Variants in LRRC3B observed in about 807,000 individuals in gnomAD.
LRRC3B encodes the protein leucine rich repeat containing 3B.
LRRC3B carries 2 observed loss-of-function variants against 12.8 expected under a neutral mutation model. The observed-to-expected ratio is 0.16, with a 90% CI of 0.06 to 0.49. LRRC3B has a LOEUF of 0.49. Ranked by LOEUF, LRRC3B falls within the 20% of genes least tolerant of loss-of-function variation. LRRC3B has a pLI of 0.96. For missense variants in LRRC3B, 189 were observed against 319.4 expected (o/e 0.59, Z 3.11); for synonymous variants, 132 against 122.0 (o/e 1.08, Z -0.54).
At chr3:26,634,607 T>C (rs905151511) in intron 1 of LRRC3B, among the ~76,000 whole-genome samples, 2 of 152,130 alleles carry the variant, frequency 1.3e-5, no homozygotes, top group African/African-American at 2.4e-5. Flanking sequence ...TCCCTTGAGA[T>C]GGGGGGAGGA....
In LRRC3B at chr3:26,657,174, T is replaced by G. The variant is rs374005203; in HGVS notation, c.-161+33937T>G. On this transcript the variant is annotated intron_variant, in intron 1 of 1. Transcript: ENST00000396641. ...AAGAGCCTATTGCTTAGAGAATGCT[T>G]TCCAAACCACAAACTCCCAGCTTTT... 4.7e-4 allele frequency among the ~76,000 whole-genome samples: 71 copies of G among 152,306 alleles called. 1 individual carries two copies. In the South Asian group the frequency reaches 0.014, roughly 29 times the overall value.
chr3:26,709,274 T>C (rs1466787260), intron 1 of LRRC3B, among the ~76,000 whole-genome samples: 1 of 152,190 alleles, frequency 6.6e-6, no homozygotes, highest in African/African-American at 2.4e-5. Flanking sequence ...TCTATCCAAC[T>C]GAAAACCAGG....
At chr3:26,710,301 T>C in exon 2 of LRRC3B, 1 of 1,614,054 alleles carries the variant, frequency 6.2e-7, no homozygotes, top group Non-Finnish European at 8.5e-7. Context: ...CTGGTCACCA[T>C]GTTTGGCTGG....
At chr3:26,663,473 G>T (rs1208445054) in intron 1 of LRRC3B, among the ~76,000 whole-genome samples, 1 of 152,028 alleles carries the variant, frequency 6.6e-6, no homozygotes, top group Non-Finnish European at 1.5e-5. Flanking sequence ...ATGTAATCAT[G>T]CCTAAATTGT....
chr3:26,644,494 G>A (rs995695339), intron 1 of LRRC3B, among the ~76,000 whole-genome samples: 11 of 152,154 alleles, frequency 7.2e-5, no homozygotes, highest in African/African-American at 2.7e-4. Context: ...ACATTTAAAT[G>A]AGGAAAAATT....
intron 1 of LRRC3B, among the ~76,000 whole-genome samples, chr3:26,675,789 G>A (rs1035268044): frequency 6.6e-6 from 1 of 152,040 alleles, no homozygotes; most frequent in Admixed American, 6.5e-5. Flanking sequence ...GATATGAAAC[G>A]CCTTAATTGT....
intron 1 of LRRC3B, among the ~76,000 whole-genome samples, chr3:26,634,085 A>G (rs907928594): frequency 1.3e-5 from 2 of 152,252 alleles, no homozygotes; most frequent in African/African-American, 4.8e-5. Flanking sequence ...AAGCTTGGTT[A>G]AAGATGATAA....
chr3:26,641,288 C>A lies in LRRC3B; in HGVS notation c.-161+18051C>A, dbSNP rs9861274. Among the ~76,000 whole-genome samples the A allele has an allele frequency of 5.9e-3, 896 of 152,272 alleles. 3 individuals are homozygous for A. Among genetic ancestry groups the A allele is most frequent in the African/African-American group, 0.018 (749 of 41,548 alleles). On this transcript the variant is annotated intron_variant, in intron 1 of 1. Coordinates refer to ENST00000396641, the Ensembl canonical transcript of LRRC3B. ...GCAGGCACCCTTTGCCCTGGAGCTGCACACCCAGACTAGGAAACTGGGGGT... is the reference window on the plus strand; with the variant it reads ...GCAGGCACCCTTTGCCCTGGAGCTGAACACCCAGACTAGGAAACTGGGGGT...
At chr3:26,686,359 G>A (rs1320351338) in intron 1 of LRRC3B, among the ~76,000 whole-genome samples, 2 of 152,190 alleles carry the variant, frequency 1.3e-5, no homozygotes, top group Non-Finnish European at 2.9e-5. Flanking sequence ...GATTACAGGC[G>A]TGAGCCACCG....
At chr3:26,694,183 T>G (rs1292508937) in intron 1 of LRRC3B, among the ~76,000 whole-genome samples, 2 of 152,192 alleles carry the variant, frequency 1.3e-5, no homozygotes, top group African/African-American at 2.4e-5. Context: ...GTAGTAGAGG[T>G]AGTATTAAAT....
At chr3:26,704,572 T>C (rs746135184) in intron 1 of LRRC3B, among the ~76,000 whole-genome samples, 3 of 152,132 alleles carry the variant, frequency 2.0e-5, no homozygotes, top group Non-Finnish European at 4.4e-5. Flanking sequence ...TTCTTTTTAT[T>C]TTTATTTTTT....
At chr3:26,694,935 T>C (rs1342318350) in intron 1 of LRRC3B, among the ~76,000 whole-genome samples, 1 of 152,174 alleles carries the variant, frequency 6.6e-6, no homozygotes, top group African/African-American at 2.4e-5. Context: ...TGATATAAGG[T>C]AAAAAGTAAA....
chr3:26,707,208 A>C (rs993161911), intron 1 of LRRC3B, among the ~76,000 whole-genome samples: 11 of 150,772 alleles, frequency 7.3e-5, no homozygotes, highest in African/African-American at 2.7e-4. Flanking sequence ...AGAAAAAAAA[A>C]AAAAAAAATA....
intron 1 of LRRC3B, among the ~76,000 whole-genome samples, chr3:26,667,074 C>T (rs1008934568): frequency 4.2e-5 from 5 of 119,096 alleles, no homozygotes; most frequent in African/African-American, 1.8e-4. Context: ...AAATGTCCCT[C>T]TGTGATTTTT....
chr3:26,681,223 C>T (rs548584450), intron 1 of LRRC3B, among the ~76,000 whole-genome samples: 1 of 152,242 alleles, frequency 6.6e-6, no homozygotes, highest in East Asian at 1.9e-4. Context: ...CCTTTGGGAT[C>T]ACACTGAATT....
chr3:26,632,665 G>A (rs1698783486), intron 1 of LRRC3B, among the ~76,000 whole-genome samples: 1 of 152,102 alleles, frequency 6.6e-6, no homozygotes, highest in Non-Finnish European at 1.5e-5. Context: ...AGGATTTATA[G>A]TAAGTAAGTA....
exon 2 of LRRC3B, chr3:26,709,591 A>C: frequency 7.4e-7 from 1 of 1,346,670 alleles, no homozygotes; most frequent in Non-Finnish European, 1.0e-6. Context: ...AAGGAAATCA[A>C]TAGTGTGGAC....
At chr3:26,649,328 G>T (rs920787155) in intron 1 of LRRC3B, among the ~76,000 whole-genome samples, 5 of 152,134 alleles carry the variant, frequency 3.3e-5, no homozygotes, top group Non-Finnish European at 7.4e-5. Context: ...TACCATTGGG[G>T]TTCTAAGATT....
chr3:26,697,213 A>G (rs772293952), intron 1 of LRRC3B, among the ~76,000 whole-genome samples: 11 of 152,200 alleles, frequency 7.2e-5, no homozygotes, highest in Non-Finnish European at 1.6e-4. Context: ...TTCTGGAGGT[A>G]GAGTCTGAAA....
Sources: allele counts gnomAD v4.1 joint callset (sites outside exome capture counted in the v4.1 genomes callset), GRCh38; gene constraint gnomAD v4.1.1; transcripts MANE v1.5; gene names NCBI Gene and HGNC (gene_info 2026-07-23, HGNC 2026-07-21).